The following PYGB variants were observed in gnomAD, a reference collection of about 807,000 sequenced individuals.
The protein encoded by PYGB is glycogen phosphorylase, brain form.
In PYGB, 82 loss-of-function variants were observed where a neutral mutation model predicts 94.3. That is an observed-to-expected ratio of 0.87 (90% CI 0.73 to 1.04). The LOEUF is 1.04. Among genes scored for constraint, PYGB ranks in the 50% least tolerant of loss-of-function variants. PYGB has a pLI of 0.00. For missense variants in PYGB, 1,132 were observed against 1,158.2 expected (o/e 0.98, Z 0.33); for synonymous variants, 488 against 479.1 (o/e 1.02, Z -0.24).
At chr20:25,256,332 A>G (rs1243351715) in intron 1 of PYGB, among the ~76,000 whole-genome samples, 1 of 150,958 alleles carries the variant, frequency 6.6e-6, no homozygotes. Context: ...TTTGAGCTTT[A>G]TGTTTTTCTA....
At chr20:25,262,658 C>T (rs866645830) in intron 2 of PYGB, among the ~76,000 whole-genome samples, 4,999 of 144,046 alleles carry the variant, frequency 0.035, 384 homozygotes, top group African/African-American at 0.13. Context: ...GGGCAAAATG[C>T]TCCATTTTGA....
At chr20:25,262,246 G>A (rs542289394) in intron 2 of PYGB, among the ~76,000 whole-genome samples, 173 of 152,324 alleles carry the variant, frequency 1.1e-3, no homozygotes, top group Non-Finnish European at 2.0e-3. Context: ...TGGATTACCC[G>A]CAAAGGGAAG....
intron 18 of PYGB, among the ~76,000 whole-genome samples, 171 bp from the exon 19 acceptor site, chr20:25,295,433 G>A (rs1001767296): frequency 1.3e-5 from 2 of 152,270 alleles, no homozygotes; most frequent in Admixed American, 1.3e-4. Context: ...AAGCCCTGTG[G>A]CCAAATGGGC....
intron 2 of PYGB, among the ~76,000 whole-genome samples, chr20:25,265,537 C>G (rs2088208978): frequency 6.6e-6 from 1 of 151,702 alleles, no homozygotes; most frequent in South Asian, 2.1e-4. Flanking sequence ...TGAAGAAAAG[C>G]CTATTCAATT....
Position 25,296,428 on chromosome 20 carries a change from C to T in PYGB, c.2438C>T (p.Ser813Phe), listed in dbSNP as rs1435688601. 2 of 1,614,088 alleles carry T rather than the reference C, an allele frequency of 1.2e-6. No individual in the cohort carries two copies. The highest frequency in any genetic ancestry group is 1.3e-5 in the African/African-American group (1 of 75,046). ...IRNIACSGKFSSDRTITEYAR... is the reference protein window; with the variant it reads ...IRNIACSGKFFSDRTITEYAR... ...AACATCGCCTGCTCGGGCAAGTTCT[C>T]CAGTGACCGGACCATCACGGAGTAT... Residue 813 changes from serine to phenylalanine, a missense_variant, in exon 20 of 20, where the codon TCC becomes TTC. By Grantham distance (155) the Ser-to-Phe change is radical. Coordinates refer to ENST00000216962, the MANE Select transcript of PYGB (RefSeq NM_002862.4).
rs375854361 is a variant in PYGB, at chr20:25,290,788, C to T, written c.1969+166C>T. ...GGGAACGGCTTTAGGGAGTGCTCCC[C>T]GTGCAGTGCGGAGGACTCACAGTGC... On this transcript the variant is annotated intron_variant, in intron 16 of 19. Coordinates refer to ENST00000216962, the MANE Select transcript of PYGB (RefSeq NM_002862.4). Among the ~76,000 whole-genome samples, 18 of 152,306 alleles carry T rather than the reference C, an allele frequency of 1.2e-4. No homozygotes were observed. In the East Asian group the frequency reaches 2.3e-3, roughly 20 times the overall value.
intron 1 of PYGB, 73 bp downstream of exon 1, chr20:25,248,494 G>T (rs961687777): frequency 7.8e-7 from 1 of 1,287,416 alleles, no homozygotes; most frequent in East Asian, 3.1e-5. Flanking sequence ...GCCAGCGGGG[G>T]TCTCTGCGGG....
At chr20:25,276,588 C>T (rs2088312973) in intron 5 of PYGB, 58 bp from the exon 6 acceptor site, 10 of 1,465,724 alleles carry the variant, frequency 6.8e-6, no homozygotes, top group Non-Finnish European at 9.5e-6. Flanking sequence ...CGGGGAGAGG[C>T]ACAGGGGCCG....
intron 14 of PYGB, chr20:25,285,536 C>T (rs950207561): frequency 6.6e-6 from 1 of 152,054 alleles, no homozygotes; most frequent in African/African-American, 2.4e-5. Flanking sequence ...TGCTCCACTT[C>T]TGCTTGGTTG....
At chr20:25,266,439 C>A (rs2088219172) in intron 2 of PYGB, among the ~76,000 whole-genome samples, 1 of 151,912 alleles carries the variant, frequency 6.6e-6, no homozygotes, top group South Asian at 2.1e-4. Context: ...TAAAAGAATA[C>A]AACTTTTAGA....
chr20:25,251,599 A>G (rs1040286798), intron 1 of PYGB, among the ~76,000 whole-genome samples: 1 of 152,230 alleles, frequency 6.6e-6, no homozygotes, highest in African/African-American at 2.4e-5. Context: ...GACACAAAAC[A>G]CAGACCAGGA....
chr20:25,259,142 A>G, intron 1 of PYGB, 95 bp from the exon 2 acceptor site: 1 of 1,105,726 alleles, frequency 9.0e-7, no homozygotes, highest in South Asian at 1.4e-5. Flanking sequence ...TGAAATCCCG[A>G]GTGGGGGCTT....
chr20:25,278,560 A>G, intron 8 of PYGB, 98 bp downstream of exon 8: 1 of 1,498,750 alleles, frequency 6.7e-7, no homozygotes, highest in Non-Finnish European at 9.1e-7. Context: ...CTAGAGTGGA[A>G]TGGTACATGC....
At chr20:25,275,286 C>G (rs2088301149) in intron 5 of PYGB, among the ~76,000 whole-genome samples, 1 of 152,222 alleles carries the variant, frequency 6.6e-6, no homozygotes, top group Non-Finnish European at 1.5e-5. Context: ...GGAATCAGGG[C>G]AAGAGCCTAG....
chr20:25,273,586 G>A (rs1159005007), intron 4 of PYGB, among the ~76,000 whole-genome samples: 1 of 152,206 alleles, frequency 6.6e-6, no homozygotes, highest in Admixed American at 6.5e-5. Flanking sequence ...ACTCTGTCAC[G>A]TGGTGGTAAA....
At position 25,274,603 on chromosome 20, in the gene PYGB, C is replaced by A. The variant is rs35481467; in HGVS notation, c.540C>A (p.Ala180=). Residue 180 remains alanine (A), a synonymous_variant, in exon 5 of 20, where the codon GCC becomes GCA. Transcript: ENST00000216962. ...KIVNGWQVEE[A]DDWLRYGNPW... is the part of the protein sequence containing the mutation. ...TGGCTTCTTTCCAGGTAGAGGAGGC[C>A]GATGACTGGCTGCGCTACGGCAACC... is the stretch of plus-strand genomic sequence containing the variant. 1.2e-6 allele frequency: 2 copies of A among 1,613,178 alleles called. No homozygotes were observed. The highest frequency in any genetic ancestry group is 1.7e-6 in the Non-Finnish European group (2 of 1,179,678).
At chr20:25,292,341 TGAGCCTTGCGGCTGA>T in intron 16 of PYGB, 50 bp from the exon 17 acceptor site, 1 of 1,569,154 alleles carries the variant, frequency 6.4e-7, no homozygotes, top group Non-Finnish European at 8.7e-7. Context: ...TGTCCTGCAG[TGAGCCTTGCGGCTGA>T]GGACATTGGG....
chr20:25,281,061 A>G lies in PYGB; in HGVS notation c.1352A>G (p.His451Arg). ...NMAHLCVIGS[H>R]AVNGVARIHS... Reference sequence around the variant, plus strand: ...GCCCACCTGTGTGTGATTGGGTCCCATGCTGTCAATGGTGTGGCGAGGATC... The same window carrying G: ...GCCCACCTGTGTGTGATTGGGTCCCGTGCTGTCAATGGTGTGGCGAGGATC... Residue 451 changes from histidine to arginine, a missense_variant, in exon 11 of 20, where the codon CAT becomes CGT. By Grantham distance (29) the His-to-Arg change is conservative. Transcript: ENST00000216962. The G allele has an allele frequency of 6.2e-7, 1 of 1,614,172 alleles. No individual in the cohort carries two copies. Among genetic ancestry groups the G allele is most frequent in the Non-Finnish European group, 8.5e-7 (1 of 1,180,004 alleles).
At chr20:25,279,611 G>C (rs1402641230) in intron 9 of PYGB, among the ~76,000 whole-genome samples, 1 of 152,066 alleles carries the variant, frequency 6.6e-6, no homozygotes, top group Non-Finnish European at 1.5e-5. Flanking sequence ...CGTAATCCTA[G>C]TGCTTCGGGA....
Sources: allele counts gnomAD v4.1 joint callset (sites outside exome capture counted in the v4.1 genomes callset), GRCh38; gene constraint gnomAD v4.1.1; transcripts MANE v1.5; gene names NCBI Gene and HGNC (gene_info 2026-07-23, HGNC 2026-07-21).